The following TMEM69 variants were observed in gnomAD, a reference collection of about 807,000 sequenced individuals.
TMEM69 encodes the protein chromosome 1 open reading frame 154.
TMEM69 carries 17 observed loss-of-function variants against 15.8 expected under a neutral mutation model. The observed-to-expected ratio is 1.07, with a 90% CI of 0.73 to 1.61. TMEM69 has a LOEUF of 1.61. Ranked by LOEUF, TMEM69 falls within the 40% of genes most tolerant of loss-of-function variation. TMEM69 has a pLI of 0.00. For missense variants in TMEM69, 230 were observed against 286.1 expected, an observed-to-expected ratio of 0.80 and a Z score of 1.41; for synonymous variants, 80 against 98.6, an observed-to-expected ratio of 0.81 and a Z score of 1.12.
chr1:45,689,697 G>A (rs1250728550), intron 1 of TMEM69, among the ~76,000 whole-genome samples: 1 of 152,176 alleles, frequency 6.6e-6, no homozygotes, highest in East Asian at 1.9e-4. Context: ...AATGAGCTGG[G>A]CGTGGTGGCA....
intron 1 of TMEM69, among the ~76,000 whole-genome samples, chr1:45,690,332 T>G (rs964109244): frequency 2.0e-5 from 3 of 152,068 alleles, no homozygotes; most frequent in Non-Finnish European, 4.4e-5. Context: ...CGAAACCCCA[T>G]CTCTCCTGAA....
chr1:45,688,737 C>T (rs2148538478), intron 1 of TMEM69, among the ~76,000 whole-genome samples: 1 of 152,092 alleles, frequency 6.6e-6, no homozygotes, highest in Admixed American at 6.5e-5. Flanking sequence ...GCATTTTGGT[C>T]TGGGGCTCAG....
At chr1:45,692,848 T>G (rs1645353621) in intron 2 of TMEM69, among the ~76,000 whole-genome samples, 1 of 152,226 alleles carries the variant, frequency 6.6e-6, no homozygotes, top group South Asian at 2.1e-4. Context: ...TTGCTATTTA[T>G]AAATAAAAGA....
chr1:45,691,397 G>T (rs1645344126), intron 2 of TMEM69, among the ~76,000 whole-genome samples: 1 of 152,124 alleles, frequency 6.6e-6, no homozygotes, highest in African/African-American at 2.4e-5. Context: ...CAAAAAATTA[G>T]CTGGGCATGG....
Position 45,690,958 on chromosome 1 carries a change from C to T in TMEM69, c.-95-16C>T. 1 of 1,132,808 alleles carries T rather than the reference C, an allele frequency of 8.8e-7. No homozygotes were observed. Among genetic ancestry groups the T allele is most frequent in the Non-Finnish European group, 1.3e-6 (1 of 764,114 alleles). 70.2% of individuals were successfully genotyped at this position (1,132,808 alleles called of 1,614,324 possible). A position where few individuals can be genotyped will look rare whatever the true frequency, so the allele number is the denominator to read the frequency against. On this transcript the variant is annotated splice_polypyrimidine_tract_variant and intron_variant, in intron 1 of 2. Transcript: ENST00000372025. ...TAAAATGAGGAAAATTAAGTGACAC[C>T]TTGTGTTATACACAGAAACATGCCC...
rs1335534148 is a variant in TMEM69 at position 45,690,962 on chromosome 1, TG to T, written c.-95-11del. 1.7e-6 allele frequency: 2 copies of T among 1,181,376 alleles called. No homozygotes were observed. Among genetic ancestry groups the T allele is most frequent in the African/African-American group, 3.1e-5 (2 of 65,560 alleles). The allele number at this position is 1,181,376 out of a possible 1,614,324, so 73.2% of individuals were successfully genotyped here. The stretch of plus-strand genomic sequence containing the variant: ...ATGAGGAAAATTAAGTGACACCTTG[TG>T]TTATACACAGAAACATGCCCCTGAT... On this transcript the variant is annotated splice_polypyrimidine_tract_variant and intron_variant, in intron 1 of 2. Transcript: ENST00000372025.
chr1:45,688,276 G>A lies in TMEM69; in HGVS notation c.-96+1G>A, dbSNP rs1006085972. On this transcript the variant is annotated splice_donor_variant, in intron 1 of 2. Transcript: ENST00000372025. LOFTEE classifies it low-confidence loss of function (5UTR_SPLICE). ...CTGGCAAGTCTCAAAGTCGCCACAG[G>A]TGCAGGTTGGGATGGGAGGCACCAA... The A allele has an allele frequency of 6.6e-6, 1 of 152,234 alleles. No homozygotes were observed. The highest frequency in any genetic ancestry group is 2.4e-5 in the African/African-American group (1 of 41,404). 9.4% of individuals were successfully genotyped at this position (152,234 alleles called of 1,614,324 possible). A position where few individuals can be genotyped will look rare whatever the true frequency, so the allele number is the denominator to read the frequency against.
In TMEM69 at chr1:45,690,993, T is replaced by C; in HGVS notation, c.-76T>C. On this transcript the variant is annotated 5_prime_UTR_variant, in exon 2 of 3. Coordinates refer to ENST00000372025, the MANE Select transcript of TMEM69 (RefSeq NM_016486.4). ...ACACAGAAACATGCCCCTGATTCAGTGCCTCTGCTTAGCTGTAACATGTTA... is the reference window on the plus strand; with the variant it reads ...ACACAGAAACATGCCCCTGATTCAGCGCCTCTGCTTAGCTGTAACATGTTA... 6.5e-7 allele frequency: 1 copy of C among 1,535,986 alleles called. No individual in the cohort carries two copies. Among genetic ancestry groups the C allele is most frequent in the Non-Finnish European group, 9.0e-7 (1 of 1,110,774 alleles).
chr1:45,693,808 T>C lies in TMEM69; in HGVS notation c.647T>C (p.Ile216Thr). The C allele has an allele frequency of 6.2e-7, 1 of 1,614,196 alleles. No individual in the cohort carries two copies. The highest frequency in any genetic ancestry group is 8.5e-7 in the Non-Finnish European group (1 of 1,180,018). ...HYPNWFKALR[I>T]VVTLLATFSF... ...CCCAACTGGTTTAAAGCCCTGAGGA[T>C]AGTAGTCACTTTATTGGCCACTTTT... The change falls in exon 3 of 3, where the codon ATA becomes ACA. Residue 216 changes from isoleucine to threonine, a missense_variant. Physicochemically the swap from Ile to Thr is moderately conservative, Grantham distance 89 (BLOSUM62 -1). Coordinates refer to ENST00000372025, the MANE Select transcript of TMEM69 (RefSeq NM_016486.4).
rs779824651 is a variant in TMEM69 at position 45,693,215 on chromosome 1, CT to C, written c.55del (p.Ser19LeufsTer6). Reference sequence around the variant, plus strand: ...TATTTTCTTTGTAGATACTGAAGTACTCTTTCCCAGTGGGACTAAGAACCAG... The same window carrying C: ...TATTTTCTTTGTAGATACTGAAGTACCTTTCCCAGTGGGACTAAGAACCAG... ...SQASSKILKY[S>X]FPVGLRTSRT... On this transcript the variant is annotated frameshift_variant, in exon 3 of 3. Transcript: ENST00000372025. LOFTEE classifies it high-confidence loss of function. The C allele has an allele frequency of 6.2e-7, 1 of 1,606,656 alleles. No homozygotes were observed. Among genetic ancestry groups the C allele is most frequent in the African/African-American group, 1.3e-5 (1 of 74,662 alleles).
In TMEM69 at chr1:45,693,364, C is replaced by T. The variant is rs888261892; in HGVS notation, c.203C>T (p.Pro68Leu). Reference sequence around the variant, plus strand: ...AAGACACAGTGCTATCATACATCCCCCTGCAGCTTTAAAAAGCAGCAGAAG... The same window carrying T: ...AAGACACAGTGCTATCATACATCCCTCTGCAGCTTTAAAAAGCAGCAGAAG... ...MSKTQCYHTS[P>L]CSFKKQQKQA... Residue 68 changes from proline (P) to leucine (L), a missense_variant, in exon 3 of 3, where the codon CCC becomes CTC. Coordinates refer to ENST00000372025, the MANE Select transcript of TMEM69 (RefSeq NM_016486.4). The T allele has an allele frequency of 3.7e-6, 6 of 1,614,050 alleles. No homozygotes were observed. The African/African-American group carries it at 4.0e-5, about 11-fold the overall frequency.
chr1:45,693,652 G>T lies in TMEM69; in HGVS notation c.491G>T (p.Ser164Ile), dbSNP rs1220308676. Residue 164 changes from serine to isoleucine, a missense_variant, in exon 3 of 3, where the codon AGC becomes ATC. Coordinates refer to ENST00000372025, the MANE Select transcript of TMEM69 (RefSeq NM_016486.4). ...AAACCAGACTACCTTAATTTAGCTAGCAGTGCAGCTCCTCTTTTCTTTTCA... is the reference window on the plus strand; with the variant it reads ...AAACCAGACTACCTTAATTTAGCTATCAGTGCAGCTCCTCTTTTCTTTTCA... ...PAKPDYLNLASSAAPLFFSWF... is the reference protein window; with the variant it reads ...PAKPDYLNLAISAAPLFFSWF... 1 of 1,614,178 alleles carries T rather than the reference G, an allele frequency of 6.2e-7. No individual in the cohort carries two copies.
In TMEM69 at chr1:45,688,189, G is replaced by A. The variant is rs1645313782; in HGVS notation, c.-182G>A. ...GGGGCCTCTCTGAATCCACTTGCCG[G>A]AAGTGCCTTTCCAGTGGACCTGGGC... On this transcript the variant is annotated 5_prime_UTR_variant, in exon 1 of 3. Coordinates refer to ENST00000372025, the MANE Select transcript of TMEM69 (RefSeq NM_016486.4). 1 of 152,214 alleles carries A rather than the reference G, an allele frequency of 6.6e-6. No individual in the cohort carries two copies. Among genetic ancestry groups the A allele is most frequent in the South Asian group, 2.1e-4 (1 of 4,828 alleles). The allele number at this position is 152,214 out of a possible 1,614,324, so 9.4% of individuals were successfully genotyped here.
At chr1:45,690,223 C>T (rs1168943668) in intron 1 of TMEM69, among the ~76,000 whole-genome samples, 3 of 152,090 alleles carry the variant, frequency 2.0e-5, no homozygotes, top group Admixed American at 6.6e-5. Flanking sequence ...TAATGCTCAC[C>T]GGGCGCGGTG....
In TMEM69 at chr1:45,694,026, C is replaced by T. The variant is rs182382919; in HGVS notation, c.*121C>T. 222 of 630,648 alleles carry T rather than the reference C, an allele frequency of 3.5e-4. 3 individuals are homozygous for T. The East Asian group carries it at 6.0e-3, about 17-fold the overall frequency. 39.1% of individuals were successfully genotyped at this position (630,648 alleles called of 1,614,324 possible). A position where few individuals can be genotyped will look rare whatever the true frequency, so the allele number is the denominator to read the frequency against. On this transcript the variant is annotated 3_prime_UTR_variant, in exon 3 of 3. Transcript: ENST00000372025. ...GGGAAGTGTGACAAGCGCCTCTGCC[C>T]GGCCGCTGTGCAACCTTCCACGTGT...
In TMEM69 at chr1:45,688,293, A is replaced by C. The variant is rs879356532; in HGVS notation, c.-96+18A>C. On this transcript the variant is annotated intron_variant, in intron 1 of 2. Coordinates refer to ENST00000372025, the MANE Select transcript of TMEM69 (RefSeq NM_016486.4). The stretch of plus-strand genomic sequence containing the variant: ...CGCCACAGGTGCAGGTTGGGATGGG[A>C]GGCACCAAGGGTTGGTAGTAAATTT... 2 of 151,996 alleles carry C rather than the reference A, an allele frequency of 1.3e-5. No homozygotes were observed. Among genetic ancestry groups the C allele is most frequent in the Non-Finnish European group, 2.9e-5 (2 of 68,018 alleles). The allele number at this position is 151,996 out of a possible 1,614,324, so 9.4% of individuals were successfully genotyped here. A position where few individuals can be genotyped will look rare whatever the true frequency, so the allele number is the denominator to read the frequency against.
intron 1 of TMEM69, among the ~76,000 whole-genome samples, chr1:45,688,856 T>C (rs2148538606): frequency 6.6e-6 from 1 of 152,152 alleles, no homozygotes; most frequent in South Asian, 2.1e-4. Flanking sequence ...TATACAGGAT[T>C]TCTTGACCCA....
chr1:45,690,100 T>G (rs1645335493), intron 1 of TMEM69, among the ~76,000 whole-genome samples: 1 of 152,178 alleles, frequency 6.6e-6, no homozygotes, highest in Admixed American at 6.5e-5. Flanking sequence ...GACACACAGC[T>G]AATAAGTAGT....
rs1433140099 is a variant in TMEM69 at position 45,688,206 on chromosome 1, G to A, written c.-165G>A. 1 of 152,188 alleles carries A rather than the reference G, an allele frequency of 6.6e-6. No homozygotes were observed. Among genetic ancestry groups the A allele is most frequent in the Non-Finnish European group, 1.5e-5 (1 of 68,078 alleles). The allele number at this position is 152,188 out of a possible 1,614,324, so 9.4% of individuals were successfully genotyped here. ...ACTTGCCGGAAGTGCCTTTCCAGTGGACCTGGGCTGTTGTTGCGGTTGTTT... is the reference window on the plus strand; with the variant it reads ...ACTTGCCGGAAGTGCCTTTCCAGTGAACCTGGGCTGTTGTTGCGGTTGTTT... On this transcript the variant is annotated 5_prime_UTR_variant, in exon 1 of 3. Transcript: ENST00000372025.
Sources: allele counts gnomAD v4.1 joint callset (sites outside exome capture counted in the v4.1 genomes callset), GRCh38; gene constraint gnomAD v4.1.1; transcripts MANE v1.5; gene names NCBI Gene and HGNC (gene_info 2026-07-23, HGNC 2026-07-21).